Variants in CNOT6 observed in about 807,000 individuals in gnomAD.
The protein encoded by CNOT6 is carbon catabolite repression 4 protein.
In CNOT6, 12 loss-of-function variants were observed where a neutral mutation model predicts 61.2. The ratio of observed to expected loss-of-function variants is 0.20; its 90% CI spans 0.13 to 0.32. CNOT6 has a LOEUF of 0.32. Among genes scored for constraint, CNOT6 ranks in the 10% least tolerant of loss-of-function variants. The pLI is 1.00. For missense variants in CNOT6, 405 were observed against 663.9 expected (o/e 0.61, Z 4.28); for synonymous variants, 225 against 240.6 (o/e 0.94, Z 0.60).
intron 9 of CNOT6, among the ~76,000 whole-genome samples, chr5:180,568,896 A>T (rs1760606577): frequency 6.6e-6 from 1 of 152,186 alleles, no homozygotes; most frequent in Non-Finnish European, 1.5e-5. Context: ...ATTTTTGTAC[A>T]AGTAGTGAAT....
chr5:180,546,662 A>T (rs1015516931), intron 2 of CNOT6, among the ~76,000 whole-genome samples: 2 of 152,238 alleles, frequency 1.3e-5, no homozygotes, highest in Non-Finnish European at 2.9e-5. Flanking sequence ...ATAATCTCAT[A>T]CATACCCACG....
intron 1 of CNOT6, 65 bp downstream of exon 1, chr5:180,494,828 C>T (rs1204574390): frequency 1.3e-5 from 2 of 151,942 alleles, no homozygotes; most frequent in East Asian, 1.9e-4. Flanking sequence ...GCACGGACCG[C>T]CCCCCGTCGG....
intron 2 of CNOT6, among the ~76,000 whole-genome samples, chr5:180,537,037 T>C (rs1758730526): frequency 6.6e-6 from 1 of 152,242 alleles, no homozygotes; most frequent in South Asian, 2.1e-4. Context: ...CCAGTTTATT[T>C]ACCCAGTCAC....
intron 2 of CNOT6, among the ~76,000 whole-genome samples, chr5:180,531,120 C>A: frequency 7.7e-6 from 1 of 130,518 alleles, no homozygotes; most frequent in South Asian, 2.4e-4. Flanking sequence ...CAGAGGGGCT[C>A]CTCACTTCCC....
chr5:180,554,150 G>A (rs1759755878), intron 4 of CNOT6, among the ~76,000 whole-genome samples: 1 of 152,162 alleles, frequency 6.6e-6, no homozygotes, highest in Non-Finnish European at 1.5e-5. Flanking sequence ...GGGCACAGTG[G>A]CTCACACCTG....
intron 4 of CNOT6, 141 bp from the exon 5 acceptor site, chr5:180,564,348 A>T (rs1254965882): frequency 1.5e-6 from 1 of 645,220 alleles, no homozygotes; most frequent in Non-Finnish European, 2.7e-6. Context: ...CAGAAACTGA[A>T]AAAACAATAT....
At chr5:180,520,124 G>A (rs964191881) in intron 1 of CNOT6, among the ~76,000 whole-genome samples, 2 of 151,974 alleles carry the variant, frequency 1.3e-5, no homozygotes, top group African/African-American at 4.8e-5. Context: ...GTGAGCCACC[G>A]CATCCAGCCT....
rs956592532 is a variant in CNOT6 at position 180,551,190 on chromosome 5, A to AG, written c.299+1073_299+1074insG. 6.8e-4 allele frequency among the ~76,000 whole-genome samples: 104 copies of AG among 151,904 alleles called. 1 individual carries two copies. Among genetic ancestry groups the AG allele is most frequent in the Non-Finnish European group, 1.1e-3 (78 of 67,954 alleles). On this transcript the variant is annotated intron_variant, in intron 3 of 11. Transcript: ENST00000261951. ...GAGAACCTGGTCTCTACAAAAAAAA[A>AG]AAAAAATCCCCAGATAATTAGCTGG...
At chr5:180,513,866 G>T (rs1651809873) in intron 1 of CNOT6, among the ~76,000 whole-genome samples, 1 of 151,620 alleles carries the variant, frequency 6.6e-6, no homozygotes, top group African/African-American at 2.4e-5. Context: ...ACCACGCCCG[G>T]CTAATTTTTT....
At chr5:180,560,935 T>TG (rs1307090083) in intron 4 of CNOT6, among the ~76,000 whole-genome samples, 30 of 130,184 alleles carry the variant, frequency 2.3e-4, no homozygotes, top group Non-Finnish European at 4.6e-4. Flanking sequence ...GTGGTGGTGG[T>TG]GTTGGTCTGT....
chr5:180,568,679 G>A (rs937150281), intron 9 of CNOT6, among the ~76,000 whole-genome samples: 8 of 152,104 alleles, frequency 5.3e-5, no homozygotes, highest in African/African-American at 7.2e-5. Context: ...GCTGGGAGCC[G>A]AAACTTGTGT....
rs568403853 is a variant in CNOT6, at chr5:180,515,957, G to A, written c.-2-13318G>A. The stretch of plus-strand genomic sequence containing the variant: ...GGGTCTCACCGCGTTACCCAGGCTG[G>A]TGGAGTGCAGTGGCTTGATCTCATC... On this transcript the variant is annotated intron_variant, in intron 1 of 11. Transcript: ENST00000261951. Among the ~76,000 whole-genome samples the A allele has an allele frequency of 2.8e-4, 42 of 152,170 alleles. No homozygotes were observed. The South Asian group carries it at 7.5e-3, about 27-fold the overall frequency.
intron 1 of CNOT6, among the ~76,000 whole-genome samples, chr5:180,509,846 T>TCC (rs1757301609): frequency 6.8e-6 from 1 of 147,850 alleles, no homozygotes; most frequent in Non-Finnish European, 1.5e-5. Flanking sequence ...TTTTTTTTTT[T>TCC]CACTAGCTAC....
intron 1 of CNOT6, among the ~76,000 whole-genome samples, chr5:180,497,109 C>A (rs1756645638): frequency 6.6e-6 from 1 of 152,116 alleles, no homozygotes; most frequent in Non-Finnish European, 1.5e-5. Context: ...GGGTGGATCA[C>A]CTGAGGTCAG....
At position 180,511,856 on chromosome 5, in the gene CNOT6, A is replaced by G. The variant is rs191913203; in HGVS notation, c.-3+17093A>G. On this transcript the variant is annotated intron_variant, in intron 1 of 11. Coordinates refer to ENST00000261951, the MANE Select transcript of CNOT6 (RefSeq NM_001370472.1). ...AGGCTGGCCTTGAACTCCTGGGCTC[A>G]AGCAATCCTCCCACCTCAGCCTGCT... Among the ~76,000 whole-genome samples the G allele has an allele frequency of 6.3e-3, 954 of 152,296 alleles. 11 individuals carry two copies. Among genetic ancestry groups the G allele is most frequent in the African/African-American group, 0.022 (905 of 41,570 alleles).
At chr5:180,530,400 T>A (rs544265123) in intron 2 of CNOT6, among the ~76,000 whole-genome samples, 1 of 152,274 alleles carries the variant, frequency 6.6e-6, no homozygotes, top group East Asian at 1.9e-4. Context: ...ATAAAAGTGC[T>A]ATATAACAGG....
chr5:180,569,683 A>AT (rs1760647102), intron 10 of CNOT6, among the ~76,000 whole-genome samples: 1 of 152,250 alleles, frequency 6.6e-6, no homozygotes, highest in Non-Finnish European at 1.5e-5. Context: ...GTGTGGTAAT[A>AT]TAATCATAGT....
chr5:180,559,236 ACT>A (rs1021823042), intron 4 of CNOT6, among the ~76,000 whole-genome samples: 10 of 151,586 alleles, frequency 6.6e-5, no homozygotes, highest in African/African-American at 2.2e-4. Flanking sequence ...ATAATTGTAG[ACT>A]CTGTTTTCCT....
chr5:180,498,243 C>T (rs1204850300), intron 1 of CNOT6, among the ~76,000 whole-genome samples: 1 of 152,110 alleles, frequency 6.6e-6, no homozygotes, highest in Non-Finnish European at 1.5e-5. Context: ...CTCCTTCATC[C>T]ATTTATATTT....
Sources: gnomAD v4.1 joint callset for allele counts (sites outside exome capture counted in the v4.1 genomes callset) on GRCh38, gnomAD v4.1.1 for gene constraint, MANE v1.5 for transcripts, NCBI Gene and HGNC (gene_info 2026-07-23, HGNC 2026-07-21) for gene names.